The following EFCAB8 variants were observed in gnomAD, a reference collection of about 807,000 sequenced individuals.
EFCAB8 encodes the protein EF-hand calcium binding domain 8.
EFCAB8 carries 100 observed loss-of-function variants against 116.3 expected under a neutral mutation model. The ratio of observed to expected loss-of-function variants is 0.86; its 90% CI spans 0.73 to 1.02. EFCAB8 has a LOEUF of 1.02. EFCAB8 is among the 50% of genes least tolerant of loss of function. The pLI is 0.00. For missense variants in EFCAB8, 1,320 were observed against 1,416.9 expected (o/e 0.93, Z 1.10); for synonymous variants, 558 against 567.9 (o/e 0.98, Z 0.25).
chr20:32,871,673 T>G (rs992981979), intron 3 of EFCAB8, among the ~76,000 whole-genome samples: 1 of 152,122 alleles, frequency 6.6e-6, no homozygotes, highest in African/African-American at 2.4e-5. Context: ...AATAGGATCA[T>G]TTTTCTCTTT....
intron 1 of EFCAB8, among the ~76,000 whole-genome samples, chr20:32,862,132 T>C (rs1984147195): frequency 6.7e-6 from 1 of 149,058 alleles, no homozygotes; most frequent in Admixed American, 6.6e-5. Flanking sequence ...ATTATTTCTT[T>C]TCTTTTTTTT....
At chr20:32,873,138 A>C (rs1418355464) in intron 3 of EFCAB8, among the ~76,000 whole-genome samples, 1 of 152,148 alleles carries the variant, frequency 6.6e-6, no homozygotes, top group East Asian at 1.9e-4. Context: ...ACAAAAAACA[A>C]AAACAAAACA....
Position 32,961,566 on chromosome 20 carries a change from C to G in EFCAB8, c.3824C>G (p.Thr1275Ser). Reference protein sequence around the residue: ...FERPPRPLKATFMSSVKGSSH... With the variant: ...FERPPRPLKASFMSSVKGSSH... ...CGGCCCCCAAGGCCTCTGAAGGCCA[C>G]CTTCATGTCCTCTGTGAAGGGGAGC... The change falls in exon 27 of 27, where the codon ACC becomes AGC. Residue 1275 changes from threonine to serine, a missense_variant. By Grantham distance (58) the Thr-to-Ser change is moderately conservative. Coordinates refer to ENST00000400522, the MANE Select transcript of EFCAB8 (RefSeq NM_001143967.2). The G allele has an allele frequency of 7.2e-7, 1 of 1,385,940 alleles. No individual in the cohort carries two copies. The highest frequency in any genetic ancestry group is 9.4e-7 in the Non-Finnish European group (1 of 1,068,130). 85.9% of individuals were successfully genotyped at this position (1,385,940 alleles called of 1,614,324 possible).
At chr20:32,953,606 G>A (rs1025207604) in intron 23 of EFCAB8, among the ~76,000 whole-genome samples, 1 of 152,152 alleles carries the variant, frequency 6.6e-6, no homozygotes, top group Non-Finnish European at 1.5e-5. Flanking sequence ...TCATGTGCTT[G>A]TTGGCCATTG....
At chr20:32,929,647 A>G (rs762692777) in intron 20 of EFCAB8, among the ~76,000 whole-genome samples, 3 of 151,520 alleles carry the variant, frequency 2.0e-5, no homozygotes, top group Non-Finnish European at 2.9e-5. Context: ...ATTTTTGATA[A>G]TCGAGATTTT....
At chr20:32,918,687 AGGTC>A in intron 19 of EFCAB8, 113 bp downstream of exon 19, 1 of 1,053,822 alleles carries the variant, frequency 9.5e-7, no homozygotes, top group South Asian at 1.5e-5. Context: ...AAGTGCCTTT[AGGTC>A]CCTCAACTCA....
At chr20:32,864,050 C>T (rs1389623957) in intron 2 of EFCAB8, among the ~76,000 whole-genome samples, 1 of 151,890 alleles carries the variant, frequency 6.6e-6, no homozygotes, top group Non-Finnish European at 1.5e-5. Context: ...CATCTTGGCT[C>T]ACTGAAACCT....
At chr20:32,926,483 C>T (rs1254026889) in intron 20 of EFCAB8, among the ~76,000 whole-genome samples, 1 of 147,396 alleles carries the variant, frequency 6.8e-6, no homozygotes, top group Non-Finnish European at 1.5e-5. Flanking sequence ...TTTTTCCTCT[C>T]AGCACATAAT....
In EFCAB8 at chr20:32,877,079, C is replaced by T. The variant is rs144708348; in HGVS notation, c.327+1035C>T. 2.0e-3 allele frequency among the ~76,000 whole-genome samples: 305 copies of T among 152,222 alleles called. 2 individuals are homozygous for T. Among genetic ancestry groups the T allele is most frequent in the African/African-American group, 7.2e-3 (301 of 41,534 alleles). On this transcript the variant is annotated intron_variant, in intron 4 of 26. Coordinates refer to ENST00000400522, the MANE Select transcript of EFCAB8 (RefSeq NM_001143967.2). ...GGCTTCAGACTCATCAGCACTGGAG[C>T]CAGTATTCAAACCAGGGAGGGTGCC... is the stretch of plus-strand genomic sequence containing the variant.
chr20:32,860,593 A>T (rs1336865208), intron 1 of EFCAB8, among the ~76,000 whole-genome samples: 3 of 134,398 alleles, frequency 2.2e-5, no homozygotes, highest in Non-Finnish European at 3.0e-5. Flanking sequence ...TGCAACCTCC[A>T]CCTCCTGGGT....
At chr20:32,887,747 A>G (rs1985704272) in intron 6 of EFCAB8, among the ~76,000 whole-genome samples, 2 of 152,192 alleles carry the variant, frequency 1.3e-5, no homozygotes, top group South Asian at 4.1e-4. Flanking sequence ...GCCAGCTCAC[A>G]TTCTGTCTGT....
Position 32,863,774 on chromosome 20 carries a change from C to G in EFCAB8, c.-10-9C>G. 1 of 1,550,314 alleles carries G rather than the reference C, an allele frequency of 6.5e-7. No homozygotes were observed. ...CTGGAGTTAAGTTGACTATGATTCC[C>G]TATTCTAGGTCAAGGCTAATGTCTT... is the stretch of plus-strand genomic sequence containing the variant. On this transcript the variant is annotated splice_polypyrimidine_tract_variant and intron_variant, in intron 1 of 26. Transcript: ENST00000400522.
chr20:32,906,369 C>G (rs1986673084), intron 11 of EFCAB8, among the ~76,000 whole-genome samples, 193 bp from the exon 12 acceptor site: 2 of 152,010 alleles, frequency 1.3e-5, no homozygotes, highest in Non-Finnish European at 1.5e-5. Context: ...GGTGCTGAGC[C>G]CTGACTTGGC....
At chr20:32,901,145 G>A (rs1184435626) in intron 11 of EFCAB8, among the ~76,000 whole-genome samples, 1 of 152,240 alleles carries the variant, frequency 6.6e-6, no homozygotes, top group African/African-American at 2.4e-5. Context: ...TTTGAATGGG[G>A]CCGTGTGGCA....
chr20:32,918,920 C>T (rs1411529506), intron 19 of EFCAB8, among the ~76,000 whole-genome samples: 1 of 152,178 alleles, frequency 6.6e-6, no homozygotes, highest in Non-Finnish European at 1.5e-5. Context: ...GGGCAAGTCA[C>T]CTGACCTTGG....
At chr20:32,911,298 A>G (rs1272764483) in intron 15 of EFCAB8, among the ~76,000 whole-genome samples, 182 bp from the exon 16 acceptor site, 1 of 152,120 alleles carries the variant, frequency 6.6e-6, no homozygotes, top group South Asian at 2.1e-4. Context: ...TCCAGTTTGC[A>G]CTGCCCTGTG....
Position 32,875,972 on chromosome 20 carries a change from C to T in EFCAB8, c.255C>T (p.Ser85=). The change falls in exon 4 of 27, where the codon AGC becomes AGT. Residue 85 remains serine (S), a synonymous_variant. Coordinates refer to ENST00000400522, the MANE Select transcript of EFCAB8 (RefSeq NM_001143967.2). ...AFIKAMKKVL[S]SVSDEMLKEL... ...TCAAGGCCATGAAGAAGGTTCTGAG[C>T]AGTGTGTCGGACGAGATGCTAAAGG... 1 of 1,552,038 alleles carries T rather than the reference C, an allele frequency of 6.4e-7. No individual in the cohort carries two copies. The highest frequency in any genetic ancestry group is 8.7e-7 in the Non-Finnish European group (1 of 1,147,046).
chr20:32,911,362 G>T (rs1213454075), intron 15 of EFCAB8, 118 bp from the exon 16 acceptor site: 1 of 843,360 alleles, frequency 1.2e-6, no homozygotes. Flanking sequence ...GTAGCAGGGG[G>T]CCCTGAACGT....
At chr20:32,864,924 T>C (rs1414121333) in intron 2 of EFCAB8, among the ~76,000 whole-genome samples, 2 of 152,322 alleles carry the variant, frequency 1.3e-5, no homozygotes, top group East Asian at 3.9e-4. Context: ...TCAGGTGTCA[T>C]TTAGGTCTCA....
Sources: allele counts gnomAD v4.1 joint callset (sites outside exome capture counted in the v4.1 genomes callset), GRCh38; gene constraint gnomAD v4.1.1; transcripts MANE v1.5; gene names NCBI Gene and HGNC (gene_info 2026-07-23, HGNC 2026-07-21).